Variants in RYR2 observed in about 807,000 individuals in gnomAD.
RYR2 encodes the protein ryanodine receptor 2.
In RYR2, 227 loss-of-function variants were observed where a neutral mutation model predicts 601.1. The ratio of observed to expected loss-of-function variants is 0.38; its 90% CI spans 0.34 to 0.42. The LOEUF is 0.42. RYR2 is among the 10% of genes least tolerant of loss of function. The pLI is 1.00. For missense variants in RYR2, 4,646 were observed against 6,156.5 expected, an observed-to-expected ratio of 0.75 and a Z score of 8.21; for synonymous variants, 2,223 against 2,175.1, an observed-to-expected ratio of 1.02 and a Z score of -0.61.
chr1:237,496,523 T>C lies in RYR2; in HGVS notation c.1974T>C (p.Asn658=), dbSNP rs767187372. 4.3e-6 allele frequency: 7 copies of C among 1,613,784 alleles called. No homozygotes were observed. In the African/African-American group the frequency reaches 8.0e-5, roughly 18 times the overall value. The change falls in exon 20 of 105, where the codon AAT becomes AAC. Residue 658 remains asparagine (N), a synonymous_variant. Coordinates refer to ENST00000366574, the MANE Select transcript of RYR2 (RefSeq NM_001035.3). Reference sequence around the variant, plus strand: ...CGTCTCTTTAAAGCATGAGACCCAATATTTTTCTGGGCGTCAGTGAAGGTT... The same window carrying C: ...CGTCTCTTTAAAGCATGAGACCCAACATTTTTCTGGGCGTCAGTGAAGGTT... ...LVNHVSSMRP[N]IFLGVSEGSA... is the part of the protein sequence containing the mutation.
intron 1 of RYR2, among the ~76,000 whole-genome samples, chr1:237,193,165 T>G (rs1482229510): frequency 3.6e-4 from 1 of 2,748 alleles, no homozygotes; most frequent in Non-Finnish European, 1.6e-3. Flanking sequence ...CTGCTAAAAG[T>G]ACAAAAAAAA....
intron 2 of RYR2, among the ~76,000 whole-genome samples, chr1:237,303,945 T>G (rs1693624978): frequency 6.6e-6 from 1 of 152,208 alleles, no homozygotes; most frequent in South Asian, 2.1e-4. Context: ...AGCCTTGTTT[T>G]CCTTTTTTTG....
At position 237,566,677 on chromosome 1, in the gene RYR2, A is replaced by G; in HGVS notation, c.3325A>G (p.Thr1109Ala). 6.2e-7 allele frequency: 1 copy of G among 1,613,988 alleles called. No individual in the cohort carries two copies. Residue 1109 changes from threonine to alanine, a missense_variant, in exon 28 of 105, where the codon ACT becomes GCT. By Grantham distance (58) the Thr-to-Ala change is moderately conservative. This residue lies in a region of RYR2 where 1,807 missense variants were observed against 2,088.1 expected (regional missense o/e 0.87). Coordinates refer to ENST00000366574, the MANE Select transcript of RYR2 (RefSeq NM_001035.3). ...GTGGTATTTTGAATTTGAGACGGTC[A>G]CTGCTGGAGACATGAGGGTTGGTTG... The part of the protein sequence containing the change: ...GRWYFEFETV[T>A]AGDMRVGWSR...
chr1:237,437,437 G>A (rs906277906), intron 12 of RYR2, among the ~76,000 whole-genome samples: 1 of 152,168 alleles, frequency 6.6e-6, no homozygotes, highest in Non-Finnish European at 1.5e-5. Context: ...CATAATGGGA[G>A]TAGTTTGTCA....
chr1:237,258,009 C>CA (rs1558510080), intron 1 of RYR2, among the ~76,000 whole-genome samples: 1 of 151,216 alleles, frequency 6.6e-6, no homozygotes, highest in African/African-American at 2.4e-5. Context: ...ACTAAAAATA[C>CA]AAAAAAAGAT....
At chr1:237,690,632 C>A (rs902341852) in intron 63 of RYR2, among the ~76,000 whole-genome samples, 3 of 152,136 alleles carry the variant, frequency 2.0e-5, no homozygotes, top group South Asian at 4.1e-4. Flanking sequence ...GAGGCCAAGG[C>A]GGACAGATCA....
At chr1:237,329,367 C>T (rs1004860839) in intron 2 of RYR2, among the ~76,000 whole-genome samples, 4 of 151,798 alleles carry the variant, frequency 2.6e-5, no homozygotes, top group Admixed American at 6.6e-5. Flanking sequence ...TAAGGCCTGG[C>T]GCGGTGGCTC....
intron 1 of RYR2, among the ~76,000 whole-genome samples, chr1:237,134,265 T>C (rs1051659146): frequency 1.3e-5 from 2 of 151,910 alleles, no homozygotes; most frequent in Non-Finnish European, 2.9e-5. Context: ...ACCACTGATT[T>C]CTGGGTGTTC....
rs1211749338 is a variant in RYR2 at position 237,833,276 on chromosome 1, A to AAAAG, written c.*632_*633insGAAA. The AAAAG allele has an allele frequency of 3.3e-5, 3 of 90,976 alleles. No homozygotes were observed. The highest frequency in any genetic ancestry group is 6.2e-5 in the Non-Finnish European group (3 of 48,392). 5.6% of individuals were successfully genotyped at this position (90,976 alleles called of 1,614,324 possible). A position where few individuals can be genotyped will look rare whatever the true frequency, so the allele number is the denominator to read the frequency against. Reference sequence around the variant, plus strand: ...AGGGTAAGAAAAGCAGTTTGCACTTAAAAAGAAAAAAAAAAAACGGGTGGT... The same window carrying AAAAG: ...AGGGTAAGAAAAGCAGTTTGCACTTAAAAGAAAAGAAAAAAAAAAAACGGGTGGT... On this transcript the variant is annotated 3_prime_UTR_variant, in exon 105 of 105. Transcript: ENST00000366574.
At chr1:237,769,092 C>T (rs546214923) in intron 84 of RYR2, among the ~76,000 whole-genome samples, 3 of 151,704 alleles carry the variant, frequency 2.0e-5, no homozygotes, top group East Asian at 1.9e-4. Context: ...ACTTCTTTCA[C>T]GAATATATGA....
At chr1:237,346,786 G>A (rs1295573690) in intron 3 of RYR2, among the ~76,000 whole-genome samples, 1 of 152,208 alleles carries the variant, frequency 6.6e-6, no homozygotes, top group Non-Finnish European at 1.5e-5. Context: ...TTCTCGAACT[G>A]ATGGAGAAAA....
chr1:237,153,091 G>C (rs898602881), intron 1 of RYR2, among the ~76,000 whole-genome samples: 1 of 152,216 alleles, frequency 6.6e-6, no homozygotes, highest in Non-Finnish European at 1.5e-5. Flanking sequence ...ATGAGTCAGA[G>C]TGTGTGTATT....
chr1:237,159,973 GT>G (rs1198562736), intron 1 of RYR2, among the ~76,000 whole-genome samples: 1 of 152,050 alleles, frequency 6.6e-6, no homozygotes, highest in Non-Finnish European at 1.5e-5. Context: ...TATTAATCTT[GT>G]TTTTCCCTCC....
At chr1:237,622,085 TAA>T (rs1445862644) in intron 38 of RYR2, among the ~76,000 whole-genome samples, 2 of 152,126 alleles carry the variant, frequency 1.3e-5, no homozygotes, top group East Asian at 1.9e-4. Context: ...CAATAGCATA[TAA>T]GTCTATAATT....
Position 237,819,637 on chromosome 1 carries a change from T to C in RYR2, c.14590+445T>C, listed in dbSNP as rs1227232943. The stretch of plus-strand genomic sequence containing the variant: ...GAGCTCGAGACCAGCCTGACCAACA[T>C]GGTAAACCCCATCTCTACTAAAAAT... On this transcript the variant is annotated intron_variant, in intron 101 of 104. Coordinates refer to ENST00000366574, the MANE Select transcript of RYR2 (RefSeq NM_001035.3). This position sits in a 1 kb window ranked among gnomAD's most constrained non-coding sequence, Gnocchi z 4.0. 1.3e-5 allele frequency among the ~76,000 whole-genome samples: 2 copies of C among 152,000 alleles called. No individual in the cohort carries two copies. Among genetic ancestry groups the C allele is most frequent in the African/African-American group, 2.4e-5 (1 of 41,434 alleles).
chr1:237,631,581 TC>T, intron 42 of RYR2, 40 bp downstream of exon 42: 1 of 963,814 alleles, frequency 1.0e-6, no homozygotes, highest in Non-Finnish European at 1.6e-6. Flanking sequence ...TAGTATCATC[TC>T]CTGGAGTATA....
chr1:237,823,434 G>A (rs1349185967), intron 101 of RYR2, among the ~76,000 whole-genome samples: 3 of 152,172 alleles, frequency 2.0e-5, no homozygotes, highest in Non-Finnish European at 4.4e-5. Context: ...TGACTATTGG[G>A]TAAGTAACAA....
At chr1:237,825,597 T>C (rs974035265) in intron 101 of RYR2, among the ~76,000 whole-genome samples, 40 of 152,134 alleles carry the variant, frequency 2.6e-4, no homozygotes, top group Non-Finnish European at 2.2e-4. Context: ...ATTCAGGACA[T>C]AGGCATGGGC....
chr1:237,591,901 T>C lies in RYR2; in HGVS notation c.4275+48T>C, dbSNP rs1216620194. The C allele has an allele frequency of 2.3e-6, 3 of 1,294,458 alleles. No homozygotes were observed. In the African/African-American group the frequency reaches 4.4e-5, roughly 19 times the overall value. The allele number at this position is 1,294,458 out of a possible 1,614,324, so 80.2% of individuals were successfully genotyped here. On this transcript the variant is annotated intron_variant, in intron 32 of 104. Coordinates refer to ENST00000366574, the MANE Select transcript of RYR2 (RefSeq NM_001035.3). ...GTTTATTTCTATCTGTCACTCATTA[T>C]GTTTTACATCTCCAGTAATACATAC...
Sources: gnomAD v4.1 joint callset for allele counts (sites outside exome capture counted in the v4.1 genomes callset) on GRCh38, gnomAD v4.1.1 for gene constraint, gnomAD v4.1.1 regional missense constraint, Gnocchi (gnomAD v3.1) non-coding constraint, MANE v1.5 for transcripts, NCBI Gene and HGNC (gene_info 2026-07-23, HGNC 2026-07-21) for gene names.